DST: variants seen among roughly 807,000 people sequenced by gnomAD.
The protein encoded by DST is bullous pemphigoid antigen.
Under a neutral mutation model 875.2 loss-of-function variants are expected in DST, and 253 were observed. The observed-to-expected ratio is 0.29, with a 90% CI of 0.26 to 0.32. The LOEUF (loss-of-function observed/expected upper bound fraction) is 0.32, where lower values mean the gene tolerates loss of function less well. DST is among the 10% of genes least tolerant of loss of function. The pLI, the probability that DST is intolerant of heterozygous loss-of-function variation, is 1.00. For missense variants in DST, 8,287 were observed against 9,111.6 expected, an observed-to-expected ratio of 0.91 and a Z score of 3.68; for synonymous variants, 3,124 against 3,197.1, an observed-to-expected ratio of 0.98 and a Z score of 0.77.
intron 10 of DST, among the ~76,000 whole-genome samples, chr6:56,651,811 G>A (rs892488485): frequency 6.6e-6 from 1 of 152,048 alleles, no homozygotes; most frequent in Admixed American, 6.6e-5. Context: ...TGCACCCCAC[G>A]ATATGGCACT....
intron 2 of DST, among the ~76,000 whole-genome samples, chr6:56,939,648 C>T (rs984421481): frequency 6.6e-6 from 1 of 152,142 alleles, no homozygotes; most frequent in Non-Finnish European, 1.5e-5. Context: ...AAACCATTTT[C>T]ACTGTTTTTG....
At chr6:56,807,024 C>A (rs1225142758) in intron 4 of DST, among the ~76,000 whole-genome samples, 12 of 151,752 alleles carry the variant, frequency 7.9e-5, no homozygotes, top group African/African-American at 2.7e-4. Context: ...GATCAAATGA[C>A]TCAATATTGA....
intron 69 of DST, 123 bp from the exon 70 acceptor site, chr6:56,517,743 GC>G (rs1208875912): frequency 3.4e-6 from 4 of 1,175,000 alleles, no homozygotes; most frequent in East Asian, 2.7e-5. Context: ...TCTCCTCATG[GC>G]ATCCTAAAAT....
At chr6:56,935,386 G>C (rs1276975637) in intron 2 of DST, among the ~76,000 whole-genome samples, 1 of 152,268 alleles carries the variant, frequency 6.6e-6, no homozygotes, top group Non-Finnish European at 1.5e-5. Flanking sequence ...GCTCACTGCA[G>C]AGTGGGCAGT....
At chr6:56,642,289 C>CT (rs1489234101) in intron 16 of DST, 121 bp downstream of exon 16, 9 of 900,300 alleles carry the variant, frequency 1.0e-5, no homozygotes, top group African/African-American at 6.6e-5. Flanking sequence ...CTTTAACAAA[C>CT]TTTAAGTTTC....
chr6:56,787,853 T>C (rs2099708177), intron 4 of DST, among the ~76,000 whole-genome samples: 1 of 152,000 alleles, frequency 6.6e-6, no homozygotes, highest in African/African-American at 2.4e-5. Context: ...AAATCAGACT[T>C]TGAGGCTGGG....
At chr6:56,779,273 T>C (rs1333852960) in intron 4 of DST, among the ~76,000 whole-genome samples, 1 of 152,102 alleles carries the variant, frequency 6.6e-6, no homozygotes, top group Non-Finnish European at 1.5e-5. Flanking sequence ...CATTGTAGAT[T>C]CTGGATATTA....
intron 2 of DST, among the ~76,000 whole-genome samples, chr6:56,910,854 T>C (rs1264333433): frequency 1.3e-5 from 2 of 152,244 alleles, no homozygotes. Flanking sequence ...ACTGATATTA[T>C]ATCAACTGCT....
intron 5 of DST, among the ~76,000 whole-genome samples, chr6:56,729,531 G>A (rs1270485341): frequency 1.3e-5 from 2 of 151,896 alleles, no homozygotes; most frequent in East Asian, 1.9e-4. Flanking sequence ...CGGAGATTGC[G>A]GGGAGGCAGA....
intron 3 of DST, among the ~76,000 whole-genome samples, chr6:56,883,056 T>TTTA (rs1782971999): frequency 2.6e-5 from 4 of 152,242 alleles, no homozygotes; most frequent in Non-Finnish European, 1.5e-5. Context: ...TTAGTAGAGA[T>TTTA]GGGGTTTCAC....
At chr6:56,595,902 A>G (rs979881043) in intron 47 of DST, among the ~76,000 whole-genome samples, 3 of 152,090 alleles carry the variant, frequency 2.0e-5, no homozygotes, top group Middle Eastern at 3.2e-3. Context: ...CTGAAGGAAG[A>G]GAATGGCTTG....
At chr6:56,835,674 T>C (rs554789668) in intron 4 of DST, among the ~76,000 whole-genome samples, 10 of 152,308 alleles carry the variant, frequency 6.6e-5, no homozygotes, top group African/African-American at 2.4e-4. Context: ...CCAGTGTCTA[T>C]CTACCTCACT....
chr6:56,684,540 G>A (rs2152847431), intron 9 of DST, among the ~76,000 whole-genome samples: 2 of 152,334 alleles, frequency 1.3e-5, no homozygotes, highest in South Asian at 4.1e-4. Flanking sequence ...TAAAAGAGGT[G>A]ACGTCATTTG....
intron 94 of DST, among the ~76,000 whole-genome samples, chr6:56,471,621 T>C (rs544312951): frequency 6.6e-6 from 1 of 152,216 alleles, no homozygotes; most frequent in Non-Finnish European, 1.5e-5. Flanking sequence ...TCTCTCCCTC[T>C]GCACTATTAG....
intron 90 of DST, 116 bp from the exon 91 acceptor site, chr6:56,477,604 T>G: frequency 7.5e-7 from 1 of 1,340,294 alleles, no homozygotes; most frequent in South Asian, 1.3e-5. Flanking sequence ...AATTGGTTTA[T>G]TCACAGTGAA....
chr6:56,824,557 T>C (rs1429058816), intron 4 of DST, among the ~76,000 whole-genome samples: 2 of 150,856 alleles, frequency 1.3e-5, no homozygotes, highest in African/African-American at 2.5e-5. Context: ...ATCTAGGAAA[T>C]GAGGAGCGTC....
intron 60 of DST, among the ~76,000 whole-genome samples, chr6:56,554,633 T>A (rs2097375445): frequency 6.6e-6 from 1 of 152,232 alleles, no homozygotes; most frequent in African/African-American, 2.4e-5. Context: ...ATAATAATGA[T>A]AATAGCTGAT....
chr6:56,653,216 CAT>C (rs996832636), intron 10 of DST, among the ~76,000 whole-genome samples: 8 of 152,126 alleles, frequency 5.3e-5, no homozygotes, highest in Admixed American at 1.3e-4. Flanking sequence ...TTCAGAATGA[CAT>C]AGTCATTTCA....
chr6:56,865,297 CTGTA>C (rs1773438759), intron 3 of DST, among the ~76,000 whole-genome samples: 1 of 134,540 alleles, frequency 7.4e-6, no homozygotes, highest in Non-Finnish European at 1.6e-5. Flanking sequence ...GTGTGTGTGT[CTGTA>C]TGTGTGTGTG....
Sources: gnomAD v4.1 joint callset for allele counts (sites outside exome capture counted in the v4.1 genomes callset) on GRCh38, gnomAD v4.1.1 for gene constraint, MANE v1.5 for transcripts, NCBI Gene and HGNC (gene_info 2026-07-23, HGNC 2026-07-21) for gene names.